Variants in FMR1 observed in about 807,000 individuals in gnomAD.
FMR1 encodes the protein FMRP translational regulator 1.
A neutral mutation model predicts 50.6 loss-of-function variants in FMR1; 13 were observed. The ratio of observed to expected loss-of-function variants is 0.26; its 90% CI spans 0.17 to 0.41. FMR1 has a LOEUF of 0.41. Among genes scored for constraint, FMR1 ranks in the 10% least tolerant of loss-of-function variants. The probability of loss-of-function intolerance (pLI) is 1.00; values close to 1 mark genes in which losing one functional copy is unlikely to be tolerated. For synonymous variants in FMR1, 138 were observed against 164.1 expected (o/e 0.84, Z 1.22); for missense variants, 316 against 491.3 (o/e 0.64, Z 3.37).
At chrX:147,926,140 C>T (rs1195732246) in intron 3 of FMR1, among the ~76,000 whole-genome samples, 2 of 112,021 alleles carry the variant, frequency 1.8e-5, no homozygotes, top group South Asian at 3.7e-4. Context: ...CCGTGAACTA[C>T]CTGCTTATCT....
intron 14 of FMR1, 41 bp from the exon 15 acceptor site, chrX:147,944,828 T>A: frequency 8.4e-7 from 1 of 1,186,470 alleles, no homozygotes. Flanking sequence ...TTTTTTTTTT[T>A]TAAAGTCAGA....
At chrX:147,938,710 G>A (rs781972179) in intron 12 of FMR1, among the ~76,000 whole-genome samples, 10 of 111,726 alleles carry the variant, frequency 9.0e-5, no homozygotes, top group South Asian at 3.8e-4. Context: ...GAGAGCTGGT[G>A]AGAACTGTTT....
chrX:147,945,540 A>T lies in FMR1; in HGVS notation c.1661A>T (p.Asp554Val), dbSNP rs186789410. The change falls in exon 16 of 17, where the codon GAC becomes GTC. Residue 554 changes from aspartate to valine, a missense_variant. Asp to Val is a radical substitution (Grantham distance 152, BLOSUM62 -3). Transcript: ENST00000370475. ...RGRGGGFKGNDDHSRTDNRPR... is the reference protein window; with the variant it reads ...RGRGGGFKGNVDHSRTDNRPR... ...TTTGAAAATATTCTCATAGGAAACG[A>T]CGATCACTCCCGAACAGATAATCGT... The T allele has an allele frequency of 8.3e-7, 1 of 1,204,784 alleles. No individual in the cohort carries two copies. The highest frequency in any genetic ancestry group is 1.7e-5 in the African/African-American group (1 of 57,338).
chrX:147,940,472 C>T (rs1330508048), intron 12 of FMR1, 104 bp from the exon 13 acceptor site: 9 of 573,123 alleles, frequency 1.6e-5, no homozygotes, highest in Non-Finnish European at 2.5e-5. Flanking sequence ...ATTTGTATAC[C>T]TGCTGTTCAC....
rs1182669007 is a variant in FMR1, at chrX:147,938,101, G to A, written c.1128G>A (p.Val376=). 14 of 1,203,922 alleles carry A rather than the reference G, an allele frequency of 1.2e-5. No individual in the cohort carries two copies. The highest frequency in any genetic ancestry group is 1.6e-5 in the Non-Finnish European group (14 of 889,299). ...SQPNSTKVQR[V]LVASSVVAGE... ...TTGCATTCCTTATACTGCTTTAGGT[G>A]TTAGTGGCTTCATCAGTTGTAGCAG... is the stretch of plus-strand genomic sequence containing the variant. Residue 376 remains valine (V), a splice_region_variant and synonymous_variant, in exon 12 of 17, where the codon GTG becomes GTA. Transcript: ENST00000370475.
intron 1 of FMR1, chrX:147,913,909 C>A (rs782771578): frequency 9.0e-6 from 1 of 111,725 alleles, no homozygotes; most frequent in Admixed American, 9.5e-5. Context: ...TGAGTAACGG[C>A]TAATGGTTAG....
chrX:147,927,008 T>G (rs1307617444), intron 3 of FMR1, among the ~76,000 whole-genome samples: 2 of 112,167 alleles, frequency 1.8e-5, no homozygotes, highest in African/African-American at 6.5e-5. Context: ...GGCCTGTGTT[T>G]TTCTCTCTAC....
At chrX:147,921,467 A>G (rs2043163837) in intron 1 of FMR1, among the ~76,000 whole-genome samples, 1 of 110,517 alleles carries the variant, frequency 9.0e-6, no homozygotes, top group Non-Finnish European at 1.9e-5. Context: ...GTGCGTATAT[A>G]TATATATATA....
intron 2 of FMR1, among the ~76,000 whole-genome samples, chrX:147,924,635 C>T (rs2043322123): frequency 9.4e-6 from 1 of 106,107 alleles, no homozygotes; most frequent in African/African-American, 3.4e-5. Flanking sequence ...CCTCAGCCTC[C>T]CGAGTAGCTG....
chrX:147,937,719 C>G (rs1557179935), intron 11 of FMR1, 119 bp downstream of exon 11: 8 of 526,942 alleles, frequency 1.5e-5, no homozygotes, highest in Non-Finnish European at 2.0e-5. Flanking sequence ...TATTTTTTTT[C>G]CAAATGTAAT....
rs782382560 is a variant in FMR1, at chrX:147,928,733, T to A, written c.345T>A (p.Val115=). ...TCACAATTGAACGTCTAAGATCTGT[T>A]AATCCCAACAAACCTGCCACAAAAG... is the stretch of plus-strand genomic sequence containing the variant. ...EIVTIERLRS[V]NPNKPATKDT... Residue 115 remains valine, a synonymous_variant, in exon 5 of 17, where the codon GTT becomes GTA. Transcript: ENST00000370475. 3.3e-6 allele frequency: 4 copies of A among 1,208,997 alleles called. No homozygotes were observed. The Admixed American group carries it at 8.7e-5, about 26-fold the overall frequency.
At position 147,921,474 on chromosome X, in the gene FMR1, T is replaced by TAG. The variant is rs1557176454; in HGVS notation, c.52-458_52-457insGA. Among the ~76,000 whole-genome samples the TAG allele has an allele frequency of 1.1e-3, 116 of 109,790 alleles. 1 individual carries two copies. The highest frequency in any genetic ancestry group is 2.3e-3 in the Admixed American group (24 of 10,238). ...ATTTGTGTGTGCGTATATATATATATATAGATAGATAGATAGATTTGAGGT... is the reference window on the plus strand; with the variant it reads ...ATTTGTGTGTGCGTATATATATATATAGATAGATAGATAGATAGATTTGAGGT... On this transcript the variant is annotated intron_variant, in intron 1 of 16. Coordinates refer to ENST00000370475, the MANE Select transcript of FMR1 (RefSeq NM_002024.6).
chrX:147,925,946 T>C (rs1242565257), intron 3 of FMR1, among the ~76,000 whole-genome samples: 1 of 112,187 alleles, frequency 8.9e-6, no homozygotes, highest in African/African-American at 3.2e-5. Context: ...TGTTTACAAC[T>C]GTGTCCCCAT....
chrX:147,937,487 C>T lies in FMR1; in HGVS notation c.1012C>T (p.Leu338Phe). The T allele has an allele frequency of 1.7e-6, 2 of 1,204,542 alleles. No homozygotes were observed. Among genetic ancestry groups the T allele is most frequent in the Non-Finnish European group, 2.2e-6 (2 of 889,712 alleles). The stretch of plus-strand genomic sequence containing the variant: ...CAAGGAAATTATGCCACCAAATTCC[C>T]TTCCTTCCAATAATTCAAGGGTTGG... Reference protein sequence around the residue: ...QEEEIMPPNSLPSNNSRVGPN... With the variant: ...QEEEIMPPNSFPSNNSRVGPN... Residue 338 changes from leucine to phenylalanine, a missense_variant, in exon 11 of 17, where the codon CTT (leucine) becomes TTT (phenylalanine). Leu to Phe is a conservative substitution (Grantham distance 22). This residue lies in a region of FMR1 where 53 missense variants were observed against 51.5 expected (regional missense o/e 1.03). Coordinates refer to ENST00000370475, the MANE Select transcript of FMR1 (RefSeq NM_002024.6).
intron 4 of FMR1, 98 bp downstream of exon 4, chrX:147,928,491 C>T: frequency 1.3e-6 from 1 of 790,904 alleles, no homozygotes; most frequent in Non-Finnish European, 1.9e-6. Context: ...GAAGTAATAT[C>T]TAATTTTGAG....
intron 12 of FMR1, among the ~76,000 whole-genome samples, chrX:147,939,913 A>AG (rs1449309682): frequency 9.4e-6 from 1 of 106,191 alleles, no homozygotes; most frequent in African/African-American, 3.4e-5. Context: ...AAAAAAAAAA[A>AG]AAAAAAAAGA....
Position 147,949,140 on chromosome X carries a change from G to A in FMR1, c.*296G>A, listed in dbSNP as rs1455610464. The A allele has an allele frequency of 5.0e-6, 2 of 402,909 alleles. No individual in the cohort carries two copies. The highest frequency in any genetic ancestry group is 5.0e-5 in the African/African-American group (2 of 40,389). 33.2% of individuals were successfully genotyped at this position (402,909 alleles called of 1,213,427 possible). A position where few individuals can be genotyped will look rare whatever the true frequency, so the allele number is the denominator to read the frequency against. On this transcript the variant is annotated 3_prime_UTR_variant, in exon 17 of 17. Transcript: ENST00000370475. The stretch of plus-strand genomic sequence containing the variant: ...GAGCAGTGATATTCTTTGTTAATTT[G>A]GACCATTTTCCTGCATTGGGTGATC...
chrX:147,920,563 A>G (rs1481000037), intron 1 of FMR1, among the ~76,000 whole-genome samples: 1 of 111,733 alleles, frequency 8.9e-6, no homozygotes, highest in Non-Finnish European at 1.9e-5. Flanking sequence ...CTCTTAGGCA[A>G]TGATCTATTT....
chrX:147,920,719 A>G (rs1324893245), intron 1 of FMR1, among the ~76,000 whole-genome samples: 2 of 112,083 alleles, frequency 1.8e-5, no homozygotes, highest in African/African-American at 6.5e-5. Flanking sequence ...AGGGATAAGC[A>G]TAGGATGCTA....
Sources: allele counts gnomAD v4.1 joint callset (sites outside exome capture counted in the v4.1 genomes callset), GRCh38; gene constraint gnomAD v4.1.1; regional missense constraint gnomAD v4.1.1; transcripts MANE v1.5; gene names NCBI Gene and HGNC (gene_info 2026-07-23, HGNC 2026-07-21).